The following CSRNP3 variants were observed in gnomAD, a reference collection of about 807,000 sequenced individuals.
CSRNP3 encodes cysteine/serine-rich nuclear protein 3.
Under a neutral mutation model 48.0 loss-of-function variants are expected in CSRNP3, and 12 were observed. The observed-to-expected ratio is 0.25, with a 90% confidence interval of 0.16 to 0.41. The LOEUF (loss-of-function observed/expected upper bound fraction) is 0.41, where lower values mean the gene tolerates loss of function less well. Among genes scored for constraint, CSRNP3 ranks in the 10% least tolerant of loss-of-function variants. The probability of loss-of-function intolerance (pLI) is 1.00; values close to 1 mark genes in which losing one functional copy is unlikely to be tolerated. For missense variants in CSRNP3, 580 were observed against 724.4 expected (o/e 0.80, Z 2.29); for synonymous variants, 263 against 269.7 (o/e 0.98, Z 0.24).
chr2:165,626,252 A>G (rs1209469990), intron 4 of CSRNP3, among the ~76,000 whole-genome samples: 1 of 152,012 alleles, frequency 6.6e-6, no homozygotes. Flanking sequence ...GAGAGAAGAG[A>G]TAGTGAAAGA....
At chr2:165,600,928 T>C (rs925562841) in intron 4 of CSRNP3, among the ~76,000 whole-genome samples, 9 of 152,252 alleles carry the variant, frequency 5.9e-5, no homozygotes, top group Admixed American at 2.0e-4. Flanking sequence ...TGTCAACAGC[T>C]ATGGTAGTAG....
chr2:165,672,400 C>T (rs1558970037), intron 5 of CSRNP3, among the ~76,000 whole-genome samples: 1 of 152,174 alleles, frequency 6.6e-6, no homozygotes, highest in Non-Finnish European at 1.5e-5. Context: ...ATGAAAGGCA[C>T]ATCTTACATG....
intron 3 of CSRNP3, among the ~76,000 whole-genome samples, chr2:165,522,883 A>G (rs910574914): frequency 6.6e-6 from 1 of 152,072 alleles, no homozygotes; most frequent in Non-Finnish European, 1.5e-5. Context: ...CATGAGTGCT[A>G]CAGGAGCAAT....
chr2:165,594,999 C>A, intron 3 of CSRNP3, 44 bp from the exon 4 acceptor site: 1 of 1,567,804 alleles, frequency 6.4e-7, no homozygotes, highest in Non-Finnish European at 8.7e-7. Context: ...ACACGTTCAG[C>A]GGTCAAATAT....
intron 5 of CSRNP3, among the ~76,000 whole-genome samples, chr2:165,668,214 A>G (rs1283572502): frequency 2.6e-5 from 4 of 152,126 alleles, no homozygotes; most frequent in Non-Finnish European, 5.9e-5. Flanking sequence ...CAAAAGAGTA[A>G]TACGTTAGCT....
At chr2:165,515,192 G>A (rs1252931385) in intron 2 of CSRNP3, among the ~76,000 whole-genome samples, 2 of 151,726 alleles carry the variant, frequency 1.3e-5, no homozygotes, top group South Asian at 2.1e-4. Flanking sequence ...AGGTGTGCTG[G>A]TGCACGCCTG....
At chr2:165,589,579 AC>A (rs1685684618) in intron 3 of CSRNP3, among the ~76,000 whole-genome samples, 2 of 152,292 alleles carry the variant, frequency 1.3e-5, no homozygotes, top group African/African-American at 4.8e-5. Flanking sequence ...ACAGTTCCTC[AC>A]TTCCTTTGAC....
intron 3 of CSRNP3, among the ~76,000 whole-genome samples, chr2:165,551,263 T>G (rs1402462469): frequency 1.3e-5 from 2 of 152,158 alleles, no homozygotes; most frequent in African/African-American, 4.8e-5. Flanking sequence ...CAATATGAGC[T>G]CTATAAAACA....
intron 1 of CSRNP3, among the ~76,000 whole-genome samples, chr2:165,493,122 G>C (rs1381047917): frequency 2.6e-5 from 4 of 151,784 alleles, no homozygotes; most frequent in South Asian, 4.2e-4. Flanking sequence ...TATGCCCCAA[G>C]GAATTTTAGC....
chr2:165,526,369 A>G (rs1187612017), intron 3 of CSRNP3, among the ~76,000 whole-genome samples: 1 of 152,234 alleles, frequency 6.6e-6, no homozygotes, highest in Non-Finnish European at 1.5e-5. Context: ...CATATATGAT[A>G]CAAATGGCCA....
chr2:165,526,557 T>C (rs1684734439), intron 3 of CSRNP3, among the ~76,000 whole-genome samples: 1 of 152,194 alleles, frequency 6.6e-6, no homozygotes, highest in South Asian at 2.1e-4. Context: ...ATAATGGTCA[T>C]TTGAAAATAT....
intron 3 of CSRNP3, among the ~76,000 whole-genome samples, chr2:165,548,081 A>G (rs185062616): frequency 6.6e-6 from 1 of 152,076 alleles, no homozygotes; most frequent in South Asian, 2.1e-4. Context: ...TCTCTGCTCC[A>G]CCCTTCCACT....
intron 2 of CSRNP3, among the ~76,000 whole-genome samples, chr2:165,507,679 G>A (rs751933954): frequency 7.2e-5 from 11 of 152,114 alleles, no homozygotes; most frequent in Non-Finnish European, 1.3e-4. Context: ...TTTGGGGTCA[G>A]ACTAATTACA....
In CSRNP3 at chr2:165,492,517, T is replaced by C. The variant is rs139767212; in HGVS notation, c.-282-2242T>C. 4.9e-3 allele frequency among the ~76,000 whole-genome samples: 744 copies of C among 152,048 alleles called. 3 individuals are homozygous for C. The highest frequency in any genetic ancestry group is 7.7e-3 in the Non-Finnish European group (523 of 67,966). ...CCCTCACCTCCTCCATGTTATTACCTCTTGGTGGAGTGACATTAGTTCACT... is the reference window on the plus strand; with the variant it reads ...CCCTCACCTCCTCCATGTTATTACCCCTTGGTGGAGTGACATTAGTTCACT... On this transcript the variant is annotated intron_variant, in intron 1 of 6. Coordinates refer to ENST00000651982, the MANE Select transcript of CSRNP3 (RefSeq NM_001172173.2).
chr2:165,612,726 A>G (rs1345865418), intron 4 of CSRNP3, among the ~76,000 whole-genome samples: 3 of 151,766 alleles, frequency 2.0e-5, no homozygotes, highest in Non-Finnish European at 4.4e-5. Flanking sequence ...AATGTCCTCC[A>G]GGTTCATTCA....
intron 3 of CSRNP3, among the ~76,000 whole-genome samples, chr2:165,520,794 T>TATATATATATATATTATATAC (rs1684646630): frequency 4.3e-5 from 1 of 23,188 alleles, no homozygotes; most frequent in Non-Finnish European, 6.9e-5. Flanking sequence ...TATATATATA[T>TATATATATATATATTATATAC]ATATATATAT....
At chr2:165,575,603 T>C (rs996279467) in intron 3 of CSRNP3, among the ~76,000 whole-genome samples, 12 of 152,082 alleles carry the variant, frequency 7.9e-5, no homozygotes, top group African/African-American at 2.9e-4. Flanking sequence ...TTCTTTGCCC[T>C]GAAAAGAGGG....
At chr2:165,521,303 G>T (rs1574818888) in intron 3 of CSRNP3, among the ~76,000 whole-genome samples, 1 of 152,106 alleles carries the variant, frequency 6.6e-6, no homozygotes, top group South Asian at 2.1e-4. Flanking sequence ...GAGCTTTGTT[G>T]TACTCATCTG....
chr2:165,668,512 T>C (rs1687273932), intron 5 of CSRNP3, among the ~76,000 whole-genome samples: 1 of 149,054 alleles, frequency 6.7e-6, no homozygotes, highest in South Asian at 2.2e-4. Flanking sequence ...AGCAATTCCC[T>C]TGCCTCAGCT....
Sources: gnomAD v4.1 joint callset for allele counts (sites outside exome capture counted in the v4.1 genomes callset) on GRCh38, gnomAD v4.1.1 for gene constraint, MANE v1.5 for transcripts, NCBI Gene and HGNC (gene_info 2026-07-23, HGNC 2026-07-21) for gene names.